The following ASB4 variants were observed in gnomAD, a reference collection of about 807,000 sequenced individuals.
The protein encoded by ASB4 is ankyrin repeat and SOCS box protein 4.
ASB4 carries 35 observed loss-of-function variants against 38.6 expected under a neutral mutation model. That is an observed-to-expected ratio of 0.91 (90% CI 0.69 to 1.20). The LOEUF (loss-of-function observed/expected upper bound fraction) is 1.20. Among genes scored for constraint, ASB4 ranks in the 50% most tolerant of loss-of-function variants. The pLI is 0.00. For synonymous variants in ASB4, 195 were observed against 201.3 expected (o/e 0.97, Z 0.26); for missense variants, 557 against 527.2 (o/e 1.06, Z -0.55).
At chr7:95,550,223 G>T in the ASB4 span, among the ~76,000 whole-genome samples, 1 of 152,164 alleles carries the variant, frequency 6.6e-6, no homozygotes, top group African/African-American at 2.4e-5. Context: ...TGCACAGCAG[G>T]TCTAAAAGTC....
intron 3 of ASB4, among the ~76,000 whole-genome samples, chr7:95,530,192 G>A (rs1240595837): frequency 6.6e-6 from 1 of 151,992 alleles, no homozygotes; most frequent in Non-Finnish European, 1.5e-5. Context: ...TGGGTGCAGT[G>A]GCTCACCCCT....
intron 2 of ASB4, among the ~76,000 whole-genome samples, chr7:95,525,562 A>G (rs1790725679): frequency 6.6e-6 from 1 of 152,176 alleles, no homozygotes; most frequent in Non-Finnish European, 1.5e-5. Context: ...TCAAAGATCA[A>G]TCGTAAATGT....
chr7:95,500,269 T>C (rs896381371), intron 2 of ASB4, among the ~76,000 whole-genome samples: 5 of 152,048 alleles, frequency 3.3e-5, no homozygotes, highest in Non-Finnish European at 7.4e-5. Context: ...ACTGGACTTA[T>C]AAAAGATGCC....
At chr7:95,474,913 T>C (rs917853187), upstream of ASB4, among the ~76,000 whole-genome samples, 2 of 152,238 alleles carry the variant, frequency 1.3e-5, no homozygotes, top group African/African-American at 4.8e-5. Context: ...GTAAAAATTA[T>C]CTGATGTTAC....
intron 2 of ASB4, among the ~76,000 whole-genome samples, chr7:95,502,402 C>T (rs1203373219): frequency 2.1e-5 from 3 of 146,270 alleles, no homozygotes; most frequent in Non-Finnish European, 3.0e-5. Context: ...GGGGGGGGGG[C>T]AAATTGATAA....
intron 1 of ASB4, among the ~76,000 whole-genome samples, chr7:95,494,844 G>C (rs1315367915): frequency 6.6e-6 from 1 of 152,200 alleles, no homozygotes; most frequent in Non-Finnish European, 1.5e-5. Context: ...GGCAGAGAGA[G>C]AGAATGCACA....
intron 2 of ASB4, among the ~76,000 whole-genome samples, chr7:95,505,858 T>A (rs887935196): frequency 3.3e-5 from 5 of 152,158 alleles, no homozygotes; most frequent in Non-Finnish European, 7.3e-5. Context: ...CATTGCTATT[T>A]AACCTCAAAG....
intron 2 of ASB4, among the ~76,000 whole-genome samples, chr7:95,516,490 C>T (rs1790584999): frequency 6.6e-6 from 1 of 152,092 alleles, no homozygotes; most frequent in Non-Finnish European, 1.5e-5. Context: ...GATAAATAAA[C>T]ATGGGTTCAA....
chr7:95,517,590 C>A (rs1306873012), intron 2 of ASB4, among the ~76,000 whole-genome samples: 1 of 148,996 alleles, frequency 6.7e-6, no homozygotes, highest in Admixed American at 6.6e-5. Flanking sequence ...GAAAGCACAC[C>A]CAAGGAAACT....
intron 2 of ASB4, 139 bp downstream of exon 2, chr7:95,496,196 C>A: frequency 1.4e-6 from 1 of 691,242 alleles, no homozygotes; most frequent in Non-Finnish European, 2.3e-6. Flanking sequence ...CTAAAAAATA[C>A]ATAGTTCTGT....
intron 3 of ASB4, among the ~76,000 whole-genome samples, chr7:95,529,348 T>A (rs1223558075): frequency 2.6e-5 from 4 of 152,212 alleles, no homozygotes; most frequent in Non-Finnish European, 5.9e-5. Flanking sequence ...ACTGACTAAT[T>A]AGGCCACAGA....
intron 2 of ASB4, among the ~76,000 whole-genome samples, chr7:95,498,806 T>C (rs143166503): frequency 1.3e-5 from 2 of 152,290 alleles, no homozygotes; most frequent in African/African-American, 4.8e-5. Context: ...AGGATTCATT[T>C]TGAGTTAATT....
chr7:95,497,783 A>G (rs1271489842), intron 2 of ASB4, among the ~76,000 whole-genome samples: 1 of 152,184 alleles, frequency 6.6e-6, no homozygotes, highest in Non-Finnish European at 1.5e-5. Context: ...AATATAAAAT[A>G]TGTAGGCTTC....
chr7:95,513,571 T>C (rs1191325058), intron 2 of ASB4, among the ~76,000 whole-genome samples: 1 of 152,186 alleles, frequency 6.6e-6, no homozygotes, highest in Non-Finnish European at 1.5e-5. Flanking sequence ...CAAAGTTTGC[T>C]GATTTACATG....
At position 95,515,316 on chromosome 7, in the gene ASB4, T is replaced by TCTTTCTTTCTTTCTTCCTTCCTTC. The variant is rs1420581416; in HGVS notation, c.488-12494_488-12493insTCTTTCTTTCTTCCTTCCTTCCTT. 7.3e-5 allele frequency among the ~76,000 whole-genome samples: 7 copies of TCTTTCTTTCTTTCTTCCTTCCTTC among 95,772 alleles called. No individual in the cohort carries two copies. In the East Asian group the frequency reaches 1.9e-3, roughly 25 times the overall value. The allele number at this position is 95,772 out of a possible 152,430, so 62.8% of individuals were successfully genotyped here. On this transcript the variant is annotated intron_variant, in intron 2 of 4. Coordinates refer to ENST00000325885, the MANE Select transcript of ASB4 (RefSeq NM_016116.3). ...TTCTTTCTTTCTTTCTTTCTTTCTTTCTTCCTTCCTTCCTTCCTTTCTTTC... is the reference window on the plus strand; with the variant it reads ...TTCTTTCTTTCTTTCTTTCTTTCTTTCTTTCTTTCTTTCTTCCTTCCTTCCTTCCTTCCTTCCTTCCTTTCTTTC...
chr7:95,545,024 G>A (rs16868802), downstream of ASB4, among the ~76,000 whole-genome samples: 3,274 of 147,918 alleles, frequency 0.022, 134 homozygotes, highest in African/African-American at 0.078. Context: ...TATGTGCACA[G>A]GCCAAAGATC....
chr7:95,540,768 T>C (rs1790960467), downstream of ASB4, among the ~76,000 whole-genome samples: 2 of 152,234 alleles, frequency 1.3e-5, no homozygotes, highest in Non-Finnish European at 2.9e-5. Flanking sequence ...ACACTTGTGT[T>C]CTATTTTTTA....
chr7:95,537,730 C>A lies in ASB4; in HGVS notation c.1252C>A (p.Leu418Ile). 6.2e-7 allele frequency: 1 copy of A among 1,613,772 alleles called. No homozygotes were observed. Among genetic ancestry groups the A allele is most frequent in the South Asian group, 1.1e-5 (1 of 91,038 alleles). The change falls in exon 5 of 5, where the codon CTT (leucine) becomes ATT (isoleucine). Residue 418 changes from leucine to isoleucine, a missense_variant. Physicochemically the swap from Leu to Ile is conservative, Grantham distance 5. Transcript: ENST00000325885. ...SLPLSLKKYL[L>I]LEPEGIIY ...CCCATTGTCATTGAAAAAGTACTTG[C>A]TTTTAGAGCCAGAGGGAATTATTTA...
intron 2 of ASB4, among the ~76,000 whole-genome samples, chr7:95,519,229 T>C (rs78388943): frequency 0.017 from 2,576 of 152,254 alleles, 29 homozygotes; most frequent in Middle Eastern, 0.048. Context: ...TTGGCGACAG[T>C]TCATGACATA....
Sources: allele counts gnomAD v4.1 joint callset (sites outside exome capture counted in the v4.1 genomes callset), GRCh38; gene constraint gnomAD v4.1.1; transcripts MANE v1.5; gene names NCBI Gene and HGNC (gene_info 2026-07-23, HGNC 2026-07-21).